Variants in FRAS1 observed in about 807,000 individuals in gnomAD.
FRAS1 encodes the protein Fraser extracellular matrix complex subunit 1.
Under a neutral mutation model 435.2 loss-of-function variants are expected in FRAS1, and 290 were observed. The ratio of observed to expected loss-of-function variants is 0.67; its 90% CI spans 0.61 to 0.73. The LOEUF is 0.73. Among genes scored for constraint, FRAS1 ranks in the 30% least tolerant of loss-of-function variants. FRAS1 has a pLI of 0.00. For synonymous variants in FRAS1, 1,800 were observed against 1,851.0 expected, an observed-to-expected ratio of 0.97 and a Z score of 0.71; for missense variants, 4,860 against 5,001.5, an observed-to-expected ratio of 0.97 and a Z score of 0.85.
intron 6 of FRAS1, among the ~76,000 whole-genome samples, chr4:78,262,602 T>G (rs1726163553): frequency 6.6e-6 from 1 of 152,164 alleles, no homozygotes; most frequent in African/African-American, 2.4e-5. Flanking sequence ...TCTTTGGTGG[T>G]GGGGTTTTAA....
chr4:78,521,645 G>A lies in FRAS1; in HGVS notation c.10648+15G>A, dbSNP rs769611915. 14 of 1,366,086 alleles carry A rather than the reference G, an allele frequency of 1.0e-5. No homozygotes were observed. The highest frequency in any genetic ancestry group is 1.3e-5 in the Non-Finnish European group (13 of 984,526). The allele number at this position is 1,366,086 out of a possible 1,614,324, so 84.6% of individuals were successfully genotyped here. Reference sequence around the variant, plus strand: ...CAAATTCAGAGGTAATATCAATGCCGTTTTTTTTTTCCAACTTTTTATTAA... The same window carrying A: ...CAAATTCAGAGGTAATATCAATGCCATTTTTTTTTTCCAACTTTTTATTAA... On this transcript the variant is annotated intron_variant, in intron 68 of 73. Transcript: ENST00000512123.
chr4:78,174,941 T>A (rs1721701620), intron 2 of FRAS1, among the ~76,000 whole-genome samples: 1 of 152,260 alleles, frequency 6.6e-6, no homozygotes, highest in Non-Finnish European at 1.5e-5. Context: ...ATTACATTCA[T>A]GCACAGGCTG....
chr4:78,389,597 A>G (rs1229937486), intron 29 of FRAS1, among the ~76,000 whole-genome samples: 6 of 152,154 alleles, frequency 3.9e-5, no homozygotes, highest in Admixed American at 2.0e-4. Flanking sequence ...GCCCTGGGAG[A>G]TGAGGTTTAG....
Position 78,508,606 on chromosome 4 carries a change from C to T in FRAS1, c.9505-125C>T, listed in dbSNP as rs1020947038. 8.5e-6 allele frequency: 8 copies of T among 943,784 alleles called. No individual in the cohort carries two copies. In the African/African-American group the frequency reaches 1.3e-4, roughly 16 times the overall value. The allele number at this position is 943,784 out of a possible 1,614,324, so 58.5% of individuals were successfully genotyped here. A position where few individuals can be genotyped will look rare whatever the true frequency, so the allele number is the denominator to read the frequency against. ...GCCTGGCAAAGAATTATAAAAACTT[C>T]TCCTGTTATATTTCAAAGAACCTGT... is the stretch of plus-strand genomic sequence containing the variant. On this transcript the variant is annotated intron_variant, in intron 62 of 73. Transcript: ENST00000512123.
intron 59 of FRAS1, among the ~76,000 whole-genome samples, chr4:78,493,483 A>C (rs1458632139): frequency 6.6e-6 from 1 of 152,248 alleles, no homozygotes; most frequent in African/African-American, 2.4e-5. Flanking sequence ...TATAAAAAAA[A>C]AGATGAGTTC....
intron 50 of FRAS1, among the ~76,000 whole-genome samples, chr4:78,469,191 C>T (rs1041478327): frequency 2.0e-5 from 3 of 152,112 alleles, no homozygotes; most frequent in African/African-American, 4.8e-5. Flanking sequence ...TCTGGAGGGA[C>T]GATGTCATTT....
chr4:78,131,517 G>A (rs1719681996), intron 2 of FRAS1, among the ~76,000 whole-genome samples: 1 of 152,196 alleles, frequency 6.6e-6, no homozygotes. Context: ...TCCAGTGGGA[G>A]GAATGACTAT....
In FRAS1 at chr4:78,115,186, A is replaced by G. The variant is rs541561001; in HGVS notation, c.108+49170A>G. Reference sequence around the variant, plus strand: ...GCATCCCAGGGATGAAGCCCACTTGATCATGGTGGATACGCTTATTGATGT... The same window carrying G: ...GCATCCCAGGGATGAAGCCCACTTGGTCATGGTGGATACGCTTATTGATGT... On this transcript the variant is annotated intron_variant, in intron 2 of 73. Coordinates refer to ENST00000512123, the MANE Select transcript of FRAS1 (RefSeq NM_025074.7). Among the ~76,000 whole-genome samples, 709 of 151,198 alleles carry G rather than the reference A, an allele frequency of 4.7e-3. 8 individuals are homozygous for G. The highest frequency in any genetic ancestry group is 0.016 in the African/African-American group (666 of 41,246).
At chr4:78,259,961 G>A (rs1725998062) in intron 6 of FRAS1, among the ~76,000 whole-genome samples, 1 of 152,154 alleles carries the variant, frequency 6.6e-6, no homozygotes, top group Non-Finnish European at 1.5e-5. Flanking sequence ...TTATTAAATA[G>A]GGAATCCTTT....
chr4:78,392,134 A>G (rs779389565), intron 29 of FRAS1, among the ~76,000 whole-genome samples: 3 of 152,138 alleles, frequency 2.0e-5, no homozygotes, highest in Non-Finnish European at 4.4e-5. Context: ...TCTGGGGCTC[A>G]TATACACATT....
intron 20 of FRAS1, among the ~76,000 whole-genome samples, chr4:78,340,670 C>A (rs425699): frequency 0.18 from 26,883 of 152,098 alleles, 3,258 homozygotes; most frequent in African/African-American, 0.35. Context: ...GACTGGGTGG[C>A]TCAAACAATG....
chr4:78,245,313 GAA>G lies in FRAS1; in HGVS notation c.300_301del (p.Lys100AsnfsTer3). On this transcript the variant is annotated frameshift_variant, in exon 4 of 74. Transcript: ENST00000512123. LOFTEE classifies it high-confidence loss of function. ...RTPGSCHHEK[K>X]IHEHGTEWAS... ...CTCCAGGATCTTGCCATCATGAAAAGAAAATCCATGAGGTAAGTGTTTTCTGA... is the reference window on the plus strand; with the variant it reads ...CTCCAGGATCTTGCCATCATGAAAAGAATCCATGAGGTAAGTGTTTTCTGA... 1.9e-6 allele frequency: 3 copies of G among 1,601,092 alleles called. No individual in the cohort carries two copies. Among genetic ancestry groups the G allele is most frequent in the Non-Finnish European group, 2.6e-6 (3 of 1,172,460 alleles).
intron 5 of FRAS1, 150 bp downstream of exon 5, chr4:78,252,701 A>G: frequency 1.3e-6 from 1 of 789,084 alleles, no homozygotes. Flanking sequence ...CAAAGAGAGG[A>G]ATTTTACAGC....
intron 39 of FRAS1, 29 bp downstream of exon 39, chr4:78,438,747 G>A: frequency 6.4e-7 from 1 of 1,553,300 alleles, no homozygotes; most frequent in Non-Finnish European, 8.7e-7. Context: ...TTATTTGACA[G>A]ATTCTTAAAA....
At chr4:78,237,161 C>T (rs181712358) in intron 2 of FRAS1, among the ~76,000 whole-genome samples, 22 of 152,174 alleles carry the variant, frequency 1.4e-4, no homozygotes, top group Non-Finnish European at 2.5e-4. Flanking sequence ...TTCCTTTAAA[C>T]GTGCTCCAGT....
chr4:78,058,113 T>A (rs1349207441), intron 1 of FRAS1, 28 bp downstream of exon 1: 2 of 1,575,982 alleles, frequency 1.3e-6, no homozygotes, highest in Non-Finnish European at 1.7e-6. Flanking sequence ...CGTGTGTGTG[T>A]GTGTGTGCGT....
chr4:78,346,238 T>G (rs1159635900), intron 20 of FRAS1, among the ~76,000 whole-genome samples: 1 of 152,222 alleles, frequency 6.6e-6, no homozygotes, highest in African/African-American at 2.4e-5. Context: ...GCGTCAATGT[T>G]GATTCTGATT....
At chr4:78,515,609 C>T (rs1019067490) in intron 65 of FRAS1, among the ~76,000 whole-genome samples, 190 bp from the exon 66 acceptor site, 2 of 152,182 alleles carry the variant, frequency 1.3e-5, no homozygotes, top group African/African-American at 4.8e-5. Flanking sequence ...CACCTGGCAA[C>T]AGCAGTTAGC....
chr4:78,523,007 C>T lies in FRAS1; in HGVS notation c.10808+199C>T, dbSNP rs534062792. On this transcript the variant is annotated intron_variant, in intron 69 of 73. Transcript: ENST00000512123. The stretch of plus-strand genomic sequence containing the variant: ...GGAGGATCACTTGAACTCAGGAGTG[C>T]GAAGCTGCAGTTAGCCATGATGCCA... Among the ~76,000 whole-genome samples the T allele has an allele frequency of 1.4e-3, 213 of 152,176 alleles. 1 individual carries two copies. The highest frequency in any genetic ancestry group is 3.4e-3 in the Middle Eastern group (1 of 294).
Sources: allele counts gnomAD v4.1 joint callset (sites outside exome capture counted in the v4.1 genomes callset), GRCh38; gene constraint gnomAD v4.1.1; transcripts MANE v1.5; gene names NCBI Gene and HGNC (gene_info 2026-07-23, HGNC 2026-07-21).